CLCN7: variants seen among roughly 807,000 people sequenced by gnomAD.
CLCN7 encodes Cl-/H+ antiporter 7, also known as H(+)/Cl(-) exchange transporter 7.
CLCN7 carries 60 observed loss-of-function variants against 102.1 expected under a neutral mutation model. The observed-to-expected ratio is 0.59, with a 90% CI of 0.48 to 0.73. The LOEUF (loss-of-function observed/expected upper bound fraction) is 0.73, where lower values mean the gene tolerates loss of function less well. Ranked by LOEUF, CLCN7 falls within the 30% of genes least tolerant of loss-of-function variation. The pLI, the probability that CLCN7 is intolerant of heterozygous loss-of-function variation, is 0.00. For synonymous variants in CLCN7, 560 were observed against 490.5 expected (o/e 1.14, Z -1.87); for missense variants, 962 against 1,125.7 (o/e 0.85, Z 2.08).
intron 17 of CLCN7, 25 bp downstream of exon 17, chr16:1,450,472 C>T (rs372157529): frequency 1.4e-4 from 221 of 1,575,688 alleles, no homozygotes; most frequent in Non-Finnish European, 1.8e-4. Flanking sequence ...CAGGGCCCCA[C>T]AGCCTCCCCT....
At chr16:1,474,719 C>T (rs987068636) in intron 1 of CLCN7, 115 bp downstream of exon 1, 2 of 930,124 alleles carry the variant, frequency 2.2e-6, no homozygotes, top group African/African-American at 1.8e-5. Flanking sequence ...GAGTCCACCG[C>T]GCCTCGGTCG....
chr16:1,458,772 C>T (rs1052061558), intron 7 of CLCN7, among the ~76,000 whole-genome samples: 1 of 152,234 alleles, frequency 6.6e-6, no homozygotes, highest in Non-Finnish European at 1.5e-5. Context: ...AACTGCTACA[C>T]GCCCACTACC....
chr16:1,469,626 T>C (rs1018294947), intron 1 of CLCN7, among the ~76,000 whole-genome samples: 50 of 152,050 alleles, frequency 3.3e-4, no homozygotes, highest in Admixed American at 2.9e-3. Context: ...GCAGAGGTCG[T>C]GGTAAGCTGA....
At chr16:1,462,140 A>G (rs1027872910) in intron 2 of CLCN7, among the ~76,000 whole-genome samples, 1 of 151,974 alleles carries the variant, frequency 6.6e-6, no homozygotes, top group African/African-American at 2.4e-5. Context: ...CCACGGATGC[A>G]AAGATCTTTG....
At chr16:1,447,781 CG>C (rs1327588847) in intron 21 of CLCN7, 67 bp from the exon 22 acceptor site, 15 of 1,505,390 alleles carry the variant, frequency 1.0e-5, no homozygotes, top group Non-Finnish European at 1.4e-5. Context: ...AATGCTGTGT[CG>C]GGCCCCGCTC....
chr16:1,464,647 A>G (rs1443535198), intron 2 of CLCN7, among the ~76,000 whole-genome samples: 5 of 152,226 alleles, frequency 3.3e-5, no homozygotes, highest in African/African-American at 9.6e-5. Context: ...CCCAGGGCAG[A>G]GCCAGGTGGG....
At chr16:1,461,491 G>A in intron 3 of CLCN7, 21 bp from the exon 4 acceptor site, 4 of 1,593,090 alleles carry the variant, frequency 2.5e-6, no homozygotes, top group Non-Finnish European at 3.4e-6. Flanking sequence ...GGACAGCAAG[G>A]GCAGCACTCA....
At position 1,457,810 on chromosome 16, in the gene CLCN7, G is replaced by T; in HGVS notation, c.676-54C>A. 6.4e-7 allele frequency: 1 copy of T among 1,551,844 alleles called. No homozygotes were observed. The highest frequency in any genetic ancestry group is 8.9e-7 in the Non-Finnish European group (1 of 1,124,582). On this transcript the variant is annotated intron_variant, in intron 7 of 24. Coordinates refer to ENST00000382745, the MANE Select transcript of CLCN7 (RefSeq NM_001287.6). This position sits in a 1 kb window ranked among gnomAD's most constrained non-coding sequence, Gnocchi z 5.4. ...GATGAAAAGGCAGGCGCTGTCTTTGGACCTGAGCCGTAAAACAGCACACAC... is the reference window on the plus strand; with the variant it reads ...GATGAAAAGGCAGGCGCTGTCTTTGTACCTGAGCCGTAAAACAGCACACAC...
At chr16:1,460,756 G>A (rs979136648) in intron 5 of CLCN7, 60 bp downstream of exon 5, 34 of 1,611,844 alleles carry the variant, frequency 2.1e-5, no homozygotes, top group East Asian at 4.5e-5. Flanking sequence ...ACTTCTGCCC[G>A]GGACTCGGCC....
rs758411404 is a variant in CLCN7, at chr16:1,475,004, A to G, written c.-30T>C. 1 of 1,429,824 alleles carries G rather than the reference A, an allele frequency of 7.0e-7. No individual in the cohort carries two copies. The highest frequency in any genetic ancestry group is 9.2e-7 in the Non-Finnish European group (1 of 1,088,506). 88.6% of individuals were successfully genotyped at this position (1,429,824 alleles called of 1,614,324 possible). A position where few individuals can be genotyped will look rare whatever the true frequency, so the allele number is the denominator to read the frequency against. ...CGCCGCGGAGCGACACCGGCCGGGAAGCGCCGGCTGCCCCCGTGTTTGTTC... is the reference window on the plus strand; with the variant it reads ...CGCCGCGGAGCGACACCGGCCGGGAGGCGCCGGCTGCCCCCGTGTTTGTTC... On this transcript the variant is annotated 5_prime_UTR_variant, in exon 1 of 25. Transcript: ENST00000382745.
intron 15 of CLCN7, chr16:1,452,002 C>T (rs897556442): frequency 1.9e-5 from 8 of 426,036 alleles, no homozygotes; most frequent in Middle Eastern, 1.4e-3. Context: ...TGGGCTGAGA[C>T]GCTGTCCATC....
chr16:1,472,376 G>A (rs930719227), intron 1 of CLCN7, among the ~76,000 whole-genome samples: 9 of 151,848 alleles, frequency 5.9e-5, no homozygotes, highest in East Asian at 3.9e-4. Flanking sequence ...GATTACAGGC[G>A]CTCACCACTA....
Position 1,459,087 on chromosome 16 carries a change from C to T in CLCN7, c.675+20G>A. Reference sequence around the variant, plus strand: ...AGAGCGGGCGCCCACCCTGCCCAGCCAGGGCCACCGCACCCTCACCTTGAG... The same window carrying T: ...AGAGCGGGCGCCCACCCTGCCCAGCTAGGGCCACCGCACCCTCACCTTGAG... On this transcript the variant is annotated intron_variant, in intron 7 of 24. Coordinates refer to ENST00000382745, the MANE Select transcript of CLCN7 (RefSeq NM_001287.6). 1 of 1,600,282 alleles carries T rather than the reference C, an allele frequency of 6.2e-7. No individual in the cohort carries two copies. The highest frequency in any genetic ancestry group is 8.5e-7 in the Non-Finnish European group (1 of 1,170,056).
chr16:1,457,396 C>T lies in CLCN7; in HGVS notation c.739-59G>A. 1 of 1,474,150 alleles carries T rather than the reference C, an allele frequency of 6.8e-7. No homozygotes were observed. Among genetic ancestry groups the T allele is most frequent in the South Asian group, 1.1e-5 (1 of 88,240 alleles). 91.3% of individuals were successfully genotyped at this position (1,474,150 alleles called of 1,614,324 possible). ...GCGTGACGCGGCCCTTCCTGGAGAC[C>T]AGAAGGACCGATGCTCAGAGACACG... On this transcript the variant is annotated intron_variant, in intron 8 of 24. Transcript: ENST00000382745. The surrounding 1 kb of genome is among the most constrained non-coding windows in gnomAD (Gnocchi z 5.4).
chr16:1,453,975 A>G, intron 13 of CLCN7, 81 bp from the exon 14 acceptor site: 1 of 1,435,336 alleles, frequency 7.0e-7, no homozygotes, highest in Middle Eastern at 1.8e-4. Flanking sequence ...ATGGCAGGAG[A>G]AGCTGGAGGG....
chr16:1,474,234 T>C (rs370425538), intron 1 of CLCN7: 155 of 455,672 alleles, frequency 3.4e-4, no homozygotes, highest in African/African-American at 2.7e-3. Flanking sequence ...TGTGTTTGCC[T>C]GCACATTGCA....
chr16:1,462,970 G>A (rs894586757), intron 2 of CLCN7, among the ~76,000 whole-genome samples: 1 of 152,176 alleles, frequency 6.6e-6, no homozygotes, highest in African/African-American at 2.4e-5. Context: ...TGATCAGCCT[G>A]GGCAACATAG....
chr16:1,445,643 T>C lies in CLCN7; in HGVS notation c.*988A>G, dbSNP rs2038626887. On this transcript the variant is annotated 3_prime_UTR_variant, in exon 25 of 25. Coordinates refer to ENST00000382745, the MANE Select transcript of CLCN7 (RefSeq NM_001287.6). ...TGAGGTGGGGGCTTCCCGGCCCCGG[T>C]GCCCACCGGCCCTTCTAGCTGCCTG... The C allele has an allele frequency of 6.6e-6, 1 of 152,486 alleles. No homozygotes were observed. Among genetic ancestry groups the C allele is most frequent in the Non-Finnish European group, 1.5e-5 (1 of 68,258 alleles). The allele number at this position is 152,486 out of a possible 1,614,324, so 9.4% of individuals were successfully genotyped here.
At position 1,457,472 on chromosome 16, in the gene CLCN7, C is replaced by T. The variant is rs543877115; in HGVS notation, c.739-135G>A. 1.1e-4 allele frequency: 63 copies of T among 580,696 alleles called. No homozygotes were observed. Among genetic ancestry groups the T allele is most frequent in the African/African-American group, 8.5e-4 (42 of 49,682 alleles). The allele number at this position is 580,696 out of a possible 1,614,324, so 36.0% of individuals were successfully genotyped here. A position where few individuals can be genotyped will look rare whatever the true frequency, so the allele number is the denominator to read the frequency against. ...AGAAGGACCGATGCTCAGAGACACG[C>T]GTGACGCGGCCCTTCCTGGAGACCA... On this transcript the variant is annotated intron_variant, in intron 8 of 24. Transcript: ENST00000382745. The surrounding 1 kb of genome is among the most constrained non-coding windows in gnomAD (Gnocchi z 5.4).
Sources: allele counts gnomAD v4.1 joint callset (sites outside exome capture counted in the v4.1 genomes callset), GRCh38; gene constraint gnomAD v4.1.1; non-coding constraint Gnocchi (gnomAD v3.1); transcripts MANE v1.5; gene names NCBI Gene and HGNC (gene_info 2026-07-23, HGNC 2026-07-21).